The following CNTNAP5 variants were observed in gnomAD, a reference collection of about 807,000 sequenced individuals.
The protein encoded by CNTNAP5 is contactin associated protein family member 5, also known as contactin-associated protein-like 5.
CNTNAP5 carries 72 observed loss-of-function variants against 150.2 expected under a neutral mutation model. The observed-to-expected ratio is 0.48, with a 90% CI of 0.40 to 0.58. CNTNAP5 has a LOEUF of 0.58. CNTNAP5 is among the 20% of genes least tolerant of loss of function. The probability of loss-of-function intolerance (pLI) is 0.00; values close to 1 mark genes in which losing one functional copy is unlikely to be tolerated. For synonymous variants in CNTNAP5, 672 were observed against 619.8 expected, an observed-to-expected ratio of 1.08 and a Z score of -1.25; for missense variants, 1,636 against 1,626.2, an observed-to-expected ratio of 1.01 and a Z score of -0.10.
intron 5 of CNTNAP5, among the ~76,000 whole-genome samples, chr2:124,444,891 C>T (rs576714291): frequency 2.6e-5 from 4 of 152,154 alleles, no homozygotes; most frequent in African/African-American, 7.2e-5. Context: ...TTCACAGCAC[C>T]GCACTCTGCA....
chr2:124,304,761 T>G (rs1231313668), intron 3 of CNTNAP5, among the ~76,000 whole-genome samples: 1 of 152,166 alleles, frequency 6.6e-6, no homozygotes, highest in Non-Finnish European at 1.5e-5. Context: ...ATTTGCTTCC[T>G]AATTTTCAAA....
intron 1 of CNTNAP5, among the ~76,000 whole-genome samples, chr2:124,180,329 G>C (rs1265159085): frequency 6.6e-6 from 1 of 152,104 alleles, no homozygotes; most frequent in Non-Finnish European, 1.5e-5. Context: ...GTGGAAATTT[G>C]AAATAGATAT....
At chr2:124,847,339 C>T (rs1266414691) in intron 19 of CNTNAP5, among the ~76,000 whole-genome samples, 2 of 152,072 alleles carry the variant, frequency 1.3e-5, no homozygotes, top group African/African-American at 2.4e-5. Flanking sequence ...GTTATATTCC[C>T]AGGGGGATTA....
intron 18 of CNTNAP5, among the ~76,000 whole-genome samples, chr2:124,793,217 G>T (rs1168075706): frequency 6.6e-6 from 1 of 152,104 alleles, no homozygotes; most frequent in African/African-American, 2.4e-5. Flanking sequence ...ATTTTTTGAT[G>T]ATAGACATCT....
chr2:124,295,816 T>C (rs12619012), intron 3 of CNTNAP5, among the ~76,000 whole-genome samples: 49,378 of 152,052 alleles, frequency 0.32, 8,238 homozygotes, highest in South Asian at 0.51. Flanking sequence ...TTAGACCATA[T>C]AGGGTAACTT....
At chr2:124,657,395 C>T (rs144921346) in intron 13 of CNTNAP5, among the ~76,000 whole-genome samples, 1 of 152,186 alleles carries the variant, frequency 6.6e-6, no homozygotes, top group African/African-American at 2.4e-5. Context: ...ATTCCTTCCT[C>T]TTCACCATCT....
At chr2:124,778,209 A>G (rs1681369589) in intron 17 of CNTNAP5, among the ~76,000 whole-genome samples, 1 of 152,158 alleles carries the variant, frequency 6.6e-6, no homozygotes, top group Non-Finnish European at 1.5e-5. Context: ...GGAAAAGAGC[A>G]AACCAGAGAG....
chr2:124,758,775 TAAAG>T (rs1680894956), intron 14 of CNTNAP5, among the ~76,000 whole-genome samples: 1 of 151,818 alleles, frequency 6.6e-6, no homozygotes, highest in Non-Finnish European at 1.5e-5. Flanking sequence ...AGGTACAACA[TAAAG>T]AGAGAGCTTA....
intron 13 of CNTNAP5, among the ~76,000 whole-genome samples, chr2:124,666,241 G>A (rs1464761960): frequency 1.3e-5 from 2 of 152,132 alleles, no homozygotes; most frequent in Non-Finnish European, 1.5e-5. Context: ...TGAGTCAGGG[G>A]CTTAGAGGTT....
intron 19 of CNTNAP5, among the ~76,000 whole-genome samples, chr2:124,828,734 GC>G (rs1682650155): frequency 7.3e-5 from 2 of 27,524 alleles, no homozygotes; most frequent in African/African-American, 2.9e-4. Context: ...GCAAGTGTTG[GC>G]AAAAAAAAAA....
In CNTNAP5 at chr2:124,413,530, A is replaced by C. The variant is rs1208092947; in HGVS notation, c.382-3913A>C. ...GATTAAGAAAATGTGGCACATATAC[A>C]CCATGGAATACTAGGCAGCCATAAA... On this transcript the variant is annotated intron_variant, in intron 3 of 23. Transcript: ENST00000682447. Among the ~76,000 whole-genome samples, 16 of 135,432 alleles carry C rather than the reference A, an allele frequency of 1.2e-4. No individual in the cohort carries two copies. The Admixed American group carries it at 1.2e-3, about 10-fold the overall frequency. The allele number at this position is 135,432 out of a possible 152,430, so 88.8% of individuals were successfully genotyped here.
intron 2 of CNTNAP5, among the ~76,000 whole-genome samples, chr2:124,231,591 C>T (rs1686621017): frequency 6.6e-6 from 1 of 152,130 alleles, no homozygotes; most frequent in East Asian, 1.9e-4. Context: ...AATAGATTTT[C>T]AGACATCAAG....
intron 1 of CNTNAP5, among the ~76,000 whole-genome samples, chr2:124,156,278 G>C (rs916073810): frequency 6.6e-6 from 1 of 152,190 alleles, no homozygotes; most frequent in Non-Finnish European, 1.5e-5. Flanking sequence ...TTGAATCGCA[G>C]GGCAGTCAAT....
chr2:124,375,876 G>A (rs1173147517), intron 3 of CNTNAP5, among the ~76,000 whole-genome samples: 2 of 152,076 alleles, frequency 1.3e-5, no homozygotes, highest in Non-Finnish European at 2.9e-5. Flanking sequence ...TAGTAACACT[G>A]TTAAACTCAA....
intron 6 of CNTNAP5, among the ~76,000 whole-genome samples, chr2:124,464,654 A>G (rs774515568): frequency 6.6e-6 from 1 of 152,198 alleles, no homozygotes; most frequent in Non-Finnish European, 1.5e-5. Flanking sequence ...AATTTTGCCT[A>G]TATGCTGTTT....
At chr2:124,639,299 A>G (rs1039197582) in intron 12 of CNTNAP5, among the ~76,000 whole-genome samples, 3 of 152,202 alleles carry the variant, frequency 2.0e-5, no homozygotes, top group Non-Finnish European at 4.4e-5. Context: ...AGCATCACAC[A>G]ATCTCATTCA....
chr2:124,091,761 T>G (rs983038834), intron 1 of CNTNAP5, among the ~76,000 whole-genome samples: 1 of 152,118 alleles, frequency 6.6e-6, no homozygotes, highest in African/African-American at 2.4e-5. Context: ...AGGTCAGAGG[T>G]CCTCAATCCA....
intron 13 of CNTNAP5, among the ~76,000 whole-genome samples, chr2:124,653,760 C>T (rs1558721297): frequency 6.6e-6 from 1 of 152,154 alleles, no homozygotes; most frequent in Non-Finnish European, 1.5e-5. Context: ...GATCAATTAG[C>T]AGAATTAACA....
intron 2 of CNTNAP5, among the ~76,000 whole-genome samples, chr2:124,225,491 A>C (rs887554016): frequency 6.6e-6 from 1 of 152,152 alleles, no homozygotes; most frequent in African/African-American, 2.4e-5. Context: ...ATGTGATTGA[A>C]GTATAATTGA....
Sources: allele counts gnomAD v4.1 joint callset (sites outside exome capture counted in the v4.1 genomes callset), GRCh38; gene constraint gnomAD v4.1.1; transcripts MANE v1.5; gene names NCBI Gene and HGNC (gene_info 2026-07-23, HGNC 2026-07-21).